CNTNAP2: variants seen among roughly 807,000 people sequenced by gnomAD.
The protein encoded by CNTNAP2 is contactin-associated protein-like 2.
In CNTNAP2, 98 loss-of-function variants were observed where a neutral mutation model predicts 155.2. That is an observed-to-expected ratio of 0.63 (90% CI 0.54 to 0.75). The LOEUF is 0.75. Among genes scored for constraint, CNTNAP2 ranks in the 30% least tolerant of loss-of-function variants. The probability of loss-of-function intolerance (pLI) is 0.00; values close to 1 mark genes in which losing one functional copy is unlikely to be tolerated. For missense variants in CNTNAP2, 1,727 were observed against 1,688.1 expected, an observed-to-expected ratio of 1.02 and a Z score of -0.40; for synonymous variants, 651 against 631.2, an observed-to-expected ratio of 1.03 and a Z score of -0.47.
At chr7:147,005,072 A>T (rs1021735554) in intron 3 of CNTNAP2, among the ~76,000 whole-genome samples, 1 of 152,100 alleles carries the variant, frequency 6.6e-6, no homozygotes, top group African/African-American at 2.4e-5. Context: ...CGGAGGCAGG[A>T]TCAAAATATC....
intron 8 of CNTNAP2, among the ~76,000 whole-genome samples, chr7:147,238,928 A>G (rs1410492362): frequency 6.6e-6 from 1 of 152,216 alleles, no homozygotes; most frequent in Non-Finnish European, 1.5e-5. Flanking sequence ...ATCCATTGTT[A>G]AGTCTTGCCC....
chr7:146,927,686 C>T (rs1228390425), intron 3 of CNTNAP2, among the ~76,000 whole-genome samples: 1 of 151,804 alleles, frequency 6.6e-6, no homozygotes, highest in Non-Finnish European at 1.5e-5. Flanking sequence ...TTTAAAATAT[C>T]TATGCTAAAA....
intron 1 of CNTNAP2, among the ~76,000 whole-genome samples, chr7:146,738,539 T>C (rs1427536330): frequency 2.0e-5 from 3 of 152,036 alleles, no homozygotes; most frequent in African/African-American, 7.2e-5. Flanking sequence ...TGTATATTTT[T>C]ACTTTTGCTG....
chr7:147,949,440 G>A (rs866212425), intron 14 of CNTNAP2, among the ~76,000 whole-genome samples: 3 of 127,360 alleles, frequency 2.4e-5, no homozygotes, highest in Non-Finnish European at 3.4e-5. Flanking sequence ...TCAACTGTGT[G>A]TATATATATA....
intron 20 of CNTNAP2, among the ~76,000 whole-genome samples, chr7:148,245,209 G>A (rs941132304): frequency 4.6e-5 from 7 of 152,146 alleles, no homozygotes; most frequent in Non-Finnish European, 1.0e-4. Context: ...GAGGAGCTTG[G>A]CCTCTGCAAG....
At chr7:146,216,685 G>T (rs1719456153) in intron 1 of CNTNAP2, among the ~76,000 whole-genome samples, 1 of 152,116 alleles carries the variant, frequency 6.6e-6, no homozygotes, top group Non-Finnish European at 1.5e-5. Flanking sequence ...TTTTCCTTTT[G>T]CTCAAAGCAG....
intron 19 of CNTNAP2, among the ~76,000 whole-genome samples, chr7:148,228,269 A>G (rs1243144336): frequency 6.6e-6 from 1 of 152,168 alleles, no homozygotes; most frequent in African/African-American, 2.4e-5. Flanking sequence ...AAGATATAAT[A>G]TTTATGCTTG....
At chr7:147,673,829 A>G (rs922541857) in intron 13 of CNTNAP2, among the ~76,000 whole-genome samples, 24 of 152,344 alleles carry the variant, frequency 1.6e-4, no homozygotes, top group African/African-American at 5.5e-4. Context: ...GTTTTCTGAA[A>G]TATAGGAAGC....
chr7:146,613,083 T>C (rs902967591), intron 1 of CNTNAP2, among the ~76,000 whole-genome samples: 1 of 152,174 alleles, frequency 6.6e-6, no homozygotes, highest in African/African-American at 2.4e-5. Context: ...ATTTTCCCTA[T>C]CTATAGATTT....
rs1398264944 is a variant in CNTNAP2 at position 147,006,589 on chromosome 7, AAAG to A, written c.403-37313_403-37311del. ...TGACATAAAATGCATATTCAGAAAA[AAAG>A]AAGATTCCTCCTCTCCCACAAGAAA... is the stretch of plus-strand genomic sequence containing the variant. On this transcript the variant is annotated intron_variant, in intron 3 of 23. Transcript: ENST00000361727. Among the ~76,000 whole-genome samples the A allele has an allele frequency of 1.1e-4, 17 of 152,198 alleles. No individual in the cohort carries two copies. In the South Asian group the frequency reaches 1.9e-3, roughly 17 times the overall value.
At chr7:147,620,533 T>G (rs1385903999) in intron 12 of CNTNAP2, among the ~76,000 whole-genome samples, 1 of 149,920 alleles carries the variant, frequency 6.7e-6, no homozygotes, top group African/African-American at 2.4e-5. Flanking sequence ...TAATTATATA[T>G]TTTTTAAATT....
intron 3 of CNTNAP2, among the ~76,000 whole-genome samples, chr7:146,924,859 T>C (rs935336252): frequency 6.6e-6 from 1 of 152,160 alleles, no homozygotes; most frequent in Non-Finnish European, 1.5e-5. Context: ...ATCTTTTGAT[T>C]CATAGAAGTT....
chr7:147,514,641 G>A (rs1006137521), intron 11 of CNTNAP2, among the ~76,000 whole-genome samples: 9 of 151,254 alleles, frequency 6.0e-5, no homozygotes, highest in Non-Finnish European at 1.3e-4. Flanking sequence ...AAATAATAAG[G>A]TGTTTTGCTG....
At chr7:147,994,019 TACAC>T (rs749545119) in intron 15 of CNTNAP2, among the ~76,000 whole-genome samples, 1 of 151,500 alleles carries the variant, frequency 6.6e-6, no homozygotes, top group Non-Finnish European at 1.5e-5. Context: ...CAATTACACA[TACAC>T]ACACACACAC....
intron 3 of CNTNAP2, among the ~76,000 whole-genome samples, chr7:146,863,004 T>C (rs2129205558): frequency 6.6e-6 from 1 of 152,332 alleles, no homozygotes; most frequent in Middle Eastern, 3.4e-3. Context: ...TTATATGTTC[T>C]TACAGTGACC....
At chr7:146,428,520 AT>A (rs1796126100) in intron 1 of CNTNAP2, among the ~76,000 whole-genome samples, 1 of 150,734 alleles carries the variant, frequency 6.6e-6, no homozygotes, top group African/African-American at 2.4e-5. Flanking sequence ...TTTTTTTCAT[AT>A]GTTTGTTGGC....
At position 146,836,481 on chromosome 7, in the gene CNTNAP2, G is replaced by C. The variant is rs1585114915; in HGVS notation, c.209-3230G>C. On this transcript the variant is annotated intron_variant, in intron 2 of 23. Transcript: ENST00000361727. ...AAAATGTTTGCTGACCCTTGATCTAGGGTTTGCTATTTTCAAGTAATACCA... is the reference window on the plus strand; with the variant it reads ...AAAATGTTTGCTGACCCTTGATCTACGGTTTGCTATTTTCAAGTAATACCA... Among the ~76,000 whole-genome samples the C allele has an allele frequency of 2.0e-5, 3 of 152,216 alleles. No individual in the cohort carries two copies. In the East Asian group the frequency reaches 5.8e-4, roughly 29 times the overall value.
intron 1 of CNTNAP2, among the ~76,000 whole-genome samples, chr7:146,746,877 T>G (rs1801817580): frequency 6.6e-6 from 1 of 152,178 alleles, no homozygotes. Flanking sequence ...CCAGATGTTT[T>G]TGCTATTATA....
At chr7:146,760,295 C>G (rs1191447320) in intron 1 of CNTNAP2, among the ~76,000 whole-genome samples, 1 of 151,760 alleles carries the variant, frequency 6.6e-6, no homozygotes, top group East Asian at 1.9e-4. Context: ...TATTACTTCT[C>G]ACATCTGGTT....
Sources: allele counts gnomAD v4.1 joint callset (sites outside exome capture counted in the v4.1 genomes callset), GRCh38; gene constraint gnomAD v4.1.1; transcripts MANE v1.5; gene names NCBI Gene and HGNC (gene_info 2026-07-23, HGNC 2026-07-21).